Variants in ASXL3 observed in about 807,000 individuals in gnomAD.
The protein encoded by ASXL3 is ASXL transcriptional regulator 3, also known as putative Polycomb group protein ASXL3.
In ASXL3, 34 loss-of-function variants were observed where a neutral mutation model predicts 170.6. The ratio of observed to expected loss-of-function variants is 0.20; its 90% CI spans 0.15 to 0.27. The LOEUF is 0.27. Ranked by LOEUF, ASXL3 falls within the 10% of genes least tolerant of loss-of-function variation. The pLI is 1.00. For missense variants in ASXL3, 2,592 were observed against 2,695.3 expected (o/e 0.96, Z 0.85); for synonymous variants, 1,002 against 989.1 (o/e 1.01, Z -0.24).
chr18:33,734,159 A>G (rs1256710481), intron 9 of ASXL3, 151 bp from the exon 10 acceptor site: 4 of 334,350 alleles, frequency 1.2e-5, no homozygotes, highest in Non-Finnish European at 1.9e-5. Flanking sequence ...AGTGATGTTC[A>G]TAAAAAGAGA....
chr18:33,657,104 A>G (rs2066096388), intron 4 of ASXL3, among the ~76,000 whole-genome samples: 1 of 152,110 alleles, frequency 6.6e-6, no homozygotes, highest in Non-Finnish European at 1.5e-5. Flanking sequence ...TTTGTACACT[A>G]AATTCCAAGA....
chr18:33,733,390 C>T (rs2067485301), intron 9 of ASXL3, among the ~76,000 whole-genome samples: 1 of 152,122 alleles, frequency 6.6e-6, no homozygotes, highest in African/African-American at 2.4e-5. Flanking sequence ...AGTTTAAAAC[C>T]TTACTGATGT....
At chr18:33,582,379 C>G (rs1002126754) in intron 1 of ASXL3, among the ~76,000 whole-genome samples, 4 of 152,130 alleles carry the variant, frequency 2.6e-5, no homozygotes, top group Non-Finnish European at 5.9e-5. Context: ...TGGCTTAACA[C>G]AGAACATACT....
At chr18:33,624,272 A>G (rs2065564161) in intron 2 of ASXL3, among the ~76,000 whole-genome samples, 1 of 151,952 alleles carries the variant, frequency 6.6e-6, no homozygotes, top group African/African-American at 2.4e-5. Flanking sequence ...GAGATGCTTT[A>G]TTTGGATCTT....
intron 2 of ASXL3, among the ~76,000 whole-genome samples, chr18:33,635,370 G>C (rs897799066): frequency 2.0e-5 from 3 of 152,146 alleles, no homozygotes; most frequent in Admixed American, 2.0e-4. Flanking sequence ...GGCAATACGG[G>C]AGTTCCCATG....
At chr18:33,659,561 A>G (rs569002204) in intron 4 of ASXL3, among the ~76,000 whole-genome samples, 1 of 152,242 alleles carries the variant, frequency 6.6e-6, no homozygotes, top group Admixed American at 6.5e-5. Flanking sequence ...GTCACATTTC[A>G]TAGAGACTTC....
In ASXL3 at chr18:33,711,557, T is replaced by A. The variant is rs2067063448; in HGVS notation, c.880-20411T>A. On this transcript the variant is annotated intron_variant, in intron 8 of 11. Coordinates refer to ENST00000269197, the MANE Select transcript of ASXL3 (RefSeq NM_030632.3). ...ATTATTTAATTAAATGGAAACATTTTTCAGTTATGATAATGAATTGTGTCA... is the reference window on the plus strand; with the variant it reads ...ATTATTTAATTAAATGGAAACATTTATCAGTTATGATAATGAATTGTGTCA... Among the ~76,000 whole-genome samples the A allele has an allele frequency of 2.0e-5, 3 of 152,358 alleles. No individual in the cohort carries two copies. In the South Asian group the frequency reaches 6.2e-4, roughly 32 times the overall value.
Position 33,740,273 on chromosome 18 carries a change from A to C in ASXL3, c.2869A>C (p.Arg957=), listed in dbSNP as rs772069554. The C allele has an allele frequency of 6.2e-7, 1 of 1,612,850 alleles. No homozygotes were observed. Among genetic ancestry groups the C allele is most frequent in the Non-Finnish European group, 8.5e-7 (1 of 1,179,310 alleles). The part of the protein sequence containing the change: ...KSPDGIRNES[R]DSEISKRKTA... Reference sequence around the variant, plus strand: ...ACCTGATGGGATAAGAAATGAAAGTAGAGATTCAGAGATATCAAAGAGAAA... The same window carrying C: ...ACCTGATGGGATAAGAAATGAAAGTCGAGATTCAGAGATATCAAAGAGAAA... The change falls in exon 11 of 12, where the codon AGA becomes CGA. Residue 957 remains arginine, a synonymous_variant. Coordinates refer to ENST00000269197, the MANE Select transcript of ASXL3 (RefSeq NM_030632.3).
chr18:33,738,738 C>G lies in ASXL3; in HGVS notation c.1334C>G (p.Pro445Arg). 6.2e-7 allele frequency: 1 copy of G among 1,613,926 alleles called. No homozygotes were observed. The highest frequency in any genetic ancestry group is 8.5e-7 in the Non-Finnish European group (1 of 1,179,854). The part of the protein sequence containing the change: ...AELESEDILI[P>R]EESVIQEEIA... ...TTGGAGTCAGAGGATATCTTGATCC[C>G]TGAAGAATCTGTAATTCAGGAGGAA... Residue 445 changes from proline to arginine, a missense_variant, in exon 11 of 12, where the codon CCT becomes CGT. Pro to Arg is a moderately radical substitution (Grantham distance 103). Transcript: ENST00000269197.
chr18:33,600,900 G>A (rs2145112766), intron 1 of ASXL3, among the ~76,000 whole-genome samples: 1 of 152,234 alleles, frequency 6.6e-6, no homozygotes, highest in South Asian at 2.1e-4. Flanking sequence ...TTGCTTGAAA[G>A]TTTCAGTATA....
intron 1 of ASXL3, among the ~76,000 whole-genome samples, chr18:33,591,935 T>C (rs939894500): frequency 6.6e-6 from 1 of 152,128 alleles, no homozygotes; most frequent in South Asian, 2.1e-4. Flanking sequence ...CTACTTATTT[T>C]TTTTTTTGGA....
At chr18:33,653,303 T>G (rs2066031097) in intron 4 of ASXL3, among the ~76,000 whole-genome samples, 1 of 152,010 alleles carries the variant, frequency 6.6e-6, no homozygotes, top group African/African-American at 2.4e-5. Context: ...TTCCTAAGAA[T>G]CTTGCAGGGG....
chr18:33,685,773 G>A (rs2066585358), intron 8 of ASXL3, among the ~76,000 whole-genome samples: 1 of 152,118 alleles, frequency 6.6e-6, no homozygotes, highest in Non-Finnish European at 1.5e-5. Context: ...AAGAGAGAGA[G>A]GAAGGAAGTG....
chr18:33,693,297 T>C (rs2066715876), intron 8 of ASXL3, among the ~76,000 whole-genome samples: 1 of 152,134 alleles, frequency 6.6e-6, no homozygotes, highest in South Asian at 2.1e-4. Flanking sequence ...TGGCTTAAAA[T>C]TGAGGCAGTT....
rs1387806742 is a variant in ASXL3 at position 33,739,810 on chromosome 18, G to A, written c.2406G>A (p.Lys802=). 1.2e-6 allele frequency: 2 copies of A among 1,613,858 alleles called. No homozygotes were observed. The highest frequency in any genetic ancestry group is 1.7e-5 in the Admixed American group (1 of 60,006). Residue 802 remains lysine (K), a synonymous_variant, in exon 11 of 12, where the codon AAG becomes AAA. Coordinates refer to ENST00000269197, the MANE Select transcript of ASXL3 (RefSeq NM_030632.3). Reference sequence around the variant, plus strand: ...GAGAGAACCTTACCTCCCAGCAGAAGAATCTGTCTAATACTCCCGAACCCA... The same window carrying A: ...GAGAGAACCTTACCTCCCAGCAGAAAAATCTGTCTAATACTCCCGAACCCA... ...PLGENLTSQQ[K]NLSNTPEPII...
intron 2 of ASXL3, among the ~76,000 whole-genome samples, chr18:33,623,920 AG>A (rs1455655164): frequency 6.6e-6 from 1 of 152,090 alleles, no homozygotes; most frequent in Non-Finnish European, 1.5e-5. Context: ...GCACATTGGG[AG>A]GCCATGGCAG....
At chr18:33,665,229 T>C (rs1319717648) in intron 5 of ASXL3, among the ~76,000 whole-genome samples, 1 of 152,210 alleles carries the variant, frequency 6.6e-6, no homozygotes, top group Non-Finnish European at 1.5e-5. Context: ...TGTGTTGGTT[T>C]ATTTGACTTC....
intron 10 of ASXL3, among the ~76,000 whole-genome samples, chr18:33,737,070 T>C (rs890819408): frequency 1.3e-5 from 2 of 152,166 alleles, no homozygotes; most frequent in African/African-American, 4.8e-5. Flanking sequence ...TTTAAATTTA[T>C]CTGTAATGTT....
chr18:33,730,652 G>T (rs1328604344), intron 8 of ASXL3, among the ~76,000 whole-genome samples: 1 of 151,806 alleles, frequency 6.6e-6, no homozygotes, highest in Non-Finnish European at 1.5e-5. Context: ...GCTGAACCCA[G>T]GCGGGTGAAA....
Sources: gnomAD v4.1 joint callset for allele counts (sites outside exome capture counted in the v4.1 genomes callset) on GRCh38, gnomAD v4.1.1 for gene constraint, MANE v1.5 for transcripts, NCBI Gene and HGNC (gene_info 2026-07-23, HGNC 2026-07-21) for gene names.